Variants in PLD1 observed in about 807,000 individuals in gnomAD.
PLD1 encodes the protein phospholipase D1, also known as choline phosphatase 1.
A neutral mutation model predicts 137.1 loss-of-function variants in PLD1; 112 were observed. The ratio of observed to expected loss-of-function variants is 0.82; its 90% CI spans 0.70 to 0.96. The LOEUF is 0.96. PLD1 is among the 40% of genes least tolerant of loss of function. The pLI, the probability that PLD1 is intolerant of heterozygous loss-of-function variation, is 0.00. For synonymous variants in PLD1, 431 were observed against 454.7 expected, an observed-to-expected ratio of 0.95 and a Z score of 0.66; for missense variants, 1,321 against 1,342.0, an observed-to-expected ratio of 0.98 and a Z score of 0.24.
At chr3:171,641,655 G>C (rs945866336) in intron 23 of PLD1, among the ~76,000 whole-genome samples, 1 of 152,020 alleles carries the variant, frequency 6.6e-6, no homozygotes, top group Non-Finnish European at 1.5e-5. Context: ...TGGTCCATTG[G>C]ATTGAAACTC....
At chr3:171,626,187 G>A (rs2108313229) in intron 23 of PLD1, among the ~76,000 whole-genome samples, 1 of 152,274 alleles carries the variant, frequency 6.6e-6, no homozygotes, top group Non-Finnish European at 1.5e-5. Flanking sequence ...GCCAAGGCTC[G>A]AGAACTACAT....
At chr3:171,688,254 C>T (rs1714775383) in intron 14 of PLD1, among the ~76,000 whole-genome samples, 1 of 152,196 alleles carries the variant, frequency 6.6e-6, no homozygotes, top group Non-Finnish European at 1.5e-5. Context: ...CCAGACTGAC[C>T]TATCCTGTTT....
chr3:171,711,437 G>A (rs1306533572), intron 9 of PLD1, among the ~76,000 whole-genome samples: 1 of 151,994 alleles, frequency 6.6e-6, no homozygotes, highest in African/African-American at 2.4e-5. Flanking sequence ...CCAAAGTGCT[G>A]GGATTATAGG....
intron 1 of PLD1, among the ~76,000 whole-genome samples, chr3:171,759,861 A>C (rs1362407021): frequency 2.6e-5 from 4 of 152,208 alleles, no homozygotes; most frequent in Non-Finnish European, 5.9e-5. Context: ...TTTTCTTAAC[A>C]AAAACCCAAC....
At chr3:171,663,018 T>A (rs148445528) in intron 19 of PLD1, among the ~76,000 whole-genome samples, 61 of 152,330 alleles carry the variant, frequency 4.0e-4, no homozygotes, top group African/African-American at 1.4e-3. Context: ...TTGGGATTGA[T>A]CCCATCACCT....
At chr3:171,670,389 G>A (rs190455980) in intron 19 of PLD1, among the ~76,000 whole-genome samples, 158 of 152,252 alleles carry the variant, frequency 1.0e-3, no homozygotes, top group African/African-American at 3.6e-3. Context: ...ATAAAGCTGA[G>A]AACAGGTCTA....
intron 1 of PLD1, among the ~76,000 whole-genome samples, chr3:171,775,667 A>AC (rs1461670815): frequency 6.6e-6 from 1 of 152,004 alleles, no homozygotes; most frequent in Non-Finnish European, 1.5e-5. Context: ...ACATGGTGAA[A>AC]CCCCGTCTCT....
At chr3:171,665,549 A>T (rs1473330502) in intron 19 of PLD1, among the ~76,000 whole-genome samples, 1 of 151,924 alleles carries the variant, frequency 6.6e-6, no homozygotes, top group Admixed American at 6.6e-5. Context: ...AAAATACAAA[A>T]ATTAGCCGGG....
intron 21 of PLD1, among the ~76,000 whole-genome samples, chr3:171,645,746 T>A (rs991890272): frequency 6.6e-6 from 1 of 151,662 alleles, no homozygotes; most frequent in Non-Finnish European, 1.5e-5. Flanking sequence ...TAGCCGGGCG[T>A]GGTGGCGGGC....
At position 171,674,564 on chromosome 3, in the gene PLD1, T is replaced by C. The variant is rs1310843705; in HGVS notation, c.2165A>G (p.Lys722Arg). The change falls in exon 19 of 27, where the codon AAG (lysine) becomes AGG (arginine). Residue 722 changes from lysine (K) to arginine (R), a missense_variant. Physicochemically the swap from Lys to Arg is conservative, Grantham distance 26 (BLOSUM62 2). Coordinates refer to ENST00000351298, the MANE Select transcript of PLD1 (RefSeq NM_002662.5). Reference protein sequence around the residue: ...RSLSYPFLLPKSQTTAHELRY... With the variant: ...RSLSYPFLLPRSQTTAHELRY... ...CAACTCATGGGCTGTTGTTTGAGAC[T>C]TTGGAAGCAGAAAAGGATAAGAAAG... 8 of 1,611,430 alleles carry C rather than the reference T, an allele frequency of 5.0e-6. No individual in the cohort carries two copies. The highest frequency in any genetic ancestry group is 5.9e-6 in the Non-Finnish European group (7 of 1,177,782).
chr3:171,682,160 GAA>G (rs1560211505), intron 16 of PLD1, among the ~76,000 whole-genome samples: 17 of 47,822 alleles, frequency 3.6e-4, no homozygotes, highest in South Asian at 2.4e-3. Context: ...AAGAAAGAAA[GAA>G]AGAAAAAGAA....
At chr3:171,802,933 A>T (rs1312971557) in intron 1 of PLD1, among the ~76,000 whole-genome samples, 1 of 152,228 alleles carries the variant, frequency 6.6e-6, no homozygotes, top group Non-Finnish European at 1.5e-5. Context: ...AGCCCACAAG[A>T]GGGGCCCAGA....
At position 171,687,448 on chromosome 3, in the gene PLD1, T is replaced by C. The variant is rs1485890274; in HGVS notation, c.1676A>G (p.Lys559Arg). ...KGIGKPRKFS[K>R]FSLYKQLHRH... ...GTGGAGCTGCTTGTAGAGACTAAAT[T>C]TGGAGAACTTTCTTGGCTTTCCTAT... Residue 559 changes from lysine to arginine, a missense_variant, in exon 15 of 27, where the codon AAA becomes AGA. Physicochemically the swap from Lys to Arg is conservative, Grantham distance 26. Coordinates refer to ENST00000351298, the MANE Select transcript of PLD1 (RefSeq NM_002662.5). 6.2e-7 allele frequency: 1 copy of C among 1,614,080 alleles called. No homozygotes were observed. The highest frequency in any genetic ancestry group is 8.5e-7 in the Non-Finnish European group (1 of 1,180,004).
intron 1 of PLD1, among the ~76,000 whole-genome samples, chr3:171,759,366 T>C (rs1721242839): frequency 6.6e-6 from 1 of 152,242 alleles, no homozygotes; most frequent in South Asian, 2.1e-4. Flanking sequence ...CTGAAGATAC[T>C]AATTACTGAA....
chr3:171,696,126 T>C (rs563482729), intron 12 of PLD1, among the ~76,000 whole-genome samples: 48 of 152,266 alleles, frequency 3.2e-4, no homozygotes, highest in African/African-American at 1.1e-3. Flanking sequence ...GGACAGAAAA[T>C]CAACCTGAAG....
intron 1 of PLD1, chr3:171,792,441 A>G (rs1362444081): frequency 2.7e-6 from 1 of 374,102 alleles, no homozygotes; most frequent in Non-Finnish European, 5.3e-6. Flanking sequence ...CAGATGGATC[A>G]GGGGCCCCTG....
intron 23 of PLD1, among the ~76,000 whole-genome samples, chr3:171,621,319 C>T (rs1045837448): frequency 6.6e-6 from 1 of 152,132 alleles, no homozygotes; most frequent in African/African-American, 2.4e-5. Flanking sequence ...TTTTTATGGT[C>T]TTTCTCCCAC....
Position 171,792,618 on chromosome 3 carries a change from T to G in PLD1, c.-32+17781A>C. On this transcript the variant is annotated intron_variant, in intron 1 of 26. Coordinates refer to ENST00000351298, the MANE Select transcript of PLD1 (RefSeq NM_002662.5). ...GGCTGAGGCTGATGGAGCAAGTAGC[T>G]GCAGGAAGAAGTGGAGAGGATTGTC... 6.6e-6 allele frequency: 3 copies of G among 456,708 alleles called. 1 individual carries two copies. The highest frequency in any genetic ancestry group is 1.3e-5 in the Non-Finnish European group (3 of 226,976). The allele number at this position is 456,708 out of a possible 1,614,324, so 28.3% of individuals were successfully genotyped here.
chr3:171,744,998 A>G (rs1217206605), intron 1 of PLD1, among the ~76,000 whole-genome samples: 3 of 152,246 alleles, frequency 2.0e-5, no homozygotes, highest in Admixed American at 6.5e-5. Flanking sequence ...CTTGATTCTC[A>G]TGACTTTTCC....
Sources: allele counts gnomAD v4.1 joint callset (sites outside exome capture counted in the v4.1 genomes callset), GRCh38; gene constraint gnomAD v4.1.1; transcripts MANE v1.5; gene names NCBI Gene and HGNC (gene_info 2026-07-23, HGNC 2026-07-21).